Variants in PRKCG observed in about 807,000 individuals in gnomAD.
PRKCG encodes protein kinase C gamma, also known as protein kinase C gamma type.
A neutral mutation model predicts 82.0 loss-of-function variants in PRKCG; 28 were observed. The observed-to-expected ratio is 0.34, with a 90% confidence interval of 0.25 to 0.47. PRKCG has a LOEUF of 0.47. Ranked by LOEUF, PRKCG falls within the 20% of genes least tolerant of loss-of-function variation. The probability of loss-of-function intolerance (pLI) is 1.00; values close to 1 mark genes in which losing one functional copy is unlikely to be tolerated. For synonymous variants in PRKCG, 383 were observed against 376.6 expected, an observed-to-expected ratio of 1.02 and a Z score of -0.20; for missense variants, 640 against 952.7, an observed-to-expected ratio of 0.67 and a Z score of 4.32.
chr19:53,905,718 T>C (rs1396916580), intron 16 of PRKCG, among the ~76,000 whole-genome samples: 1 of 91,132 alleles, frequency 1.1e-5, no homozygotes, highest in African/African-American at 4.5e-5. Flanking sequence ...CCCTCTGTCC[T>C]TCACTCTCCC....
intron 3 of PRKCG, among the ~76,000 whole-genome samples, chr19:53,887,660 C>T (rs191602016): frequency 8.0e-5 from 12 of 149,834 alleles, no homozygotes; most frequent in Non-Finnish European, 1.5e-4. Flanking sequence ...GAAACCCCGT[C>T]TCTACTAAAA....
chr19:53,892,666 G>A lies in PRKCG; in HGVS notation c.821+23G>A. On this transcript the variant is annotated intron_variant, in intron 7 of 17. Transcript: ENST00000263431. The surrounding 1 kb of genome is among the most constrained non-coding windows in gnomAD (Gnocchi z 5.9). The stretch of plus-strand genomic sequence containing the variant: ...CTGGTGAGGAGCAGGGCTGGGGCCT[G>A]GGGATGGAGCGCAATATTACCATCT... The A allele has an allele frequency of 6.2e-7, 1 of 1,606,062 alleles. No homozygotes were observed. The highest frequency in any genetic ancestry group is 8.5e-7 in the Non-Finnish European group (1 of 1,178,518).
intron 3 of PRKCG, among the ~76,000 whole-genome samples, chr19:53,886,063 GAA>G (rs112819903): frequency 1.5e-4 from 20 of 135,612 alleles, no homozygotes; most frequent in Middle Eastern, 3.8e-3. Flanking sequence ...CTTTGTCTTG[GAA>G]AAAAAAAAAA....
In PRKCG at chr19:53,892,772, A is replaced by ACGCG; in HGVS notation, c.821+130_821+131insGCGC. 3 of 1,087,296 alleles carry ACGCG rather than the reference A, an allele frequency of 2.8e-6. No homozygotes were observed. The highest frequency in any genetic ancestry group is 5.8e-5 in the East Asian group (2 of 34,458). 67.4% of individuals were successfully genotyped at this position (1,087,296 alleles called of 1,614,324 possible). A position where few individuals can be genotyped will look rare whatever the true frequency, so the allele number is the denominator to read the frequency against. ...CATGCGCACACACACACACACACAC[A>ACGCG]CACACACACGCACACACACGCACAC... On this transcript the variant is annotated intron_variant, in intron 7 of 17. Transcript: ENST00000263431. This position sits in a 1 kb window ranked among gnomAD's most constrained non-coding sequence, Gnocchi z 5.9.
chr19:53,894,657 G>C (rs141491320), intron 9 of PRKCG, among the ~76,000 whole-genome samples: 166 of 151,070 alleles, frequency 1.1e-3, no homozygotes, highest in African/African-American at 3.9e-3. Context: ...ATGGGGTTTC[G>C]ACATGTTGGC....
At position 53,892,911 on chromosome 19, in the gene PRKCG, C is replaced by A; in HGVS notation, c.822-77C>A. On this transcript the variant is annotated intron_variant, in intron 7 of 17. Coordinates refer to ENST00000263431, the MANE Select transcript of PRKCG (RefSeq NM_002739.5). This position sits in a 1 kb window ranked among gnomAD's most constrained non-coding sequence, Gnocchi z 5.9. ...GTGTCCGTCTCTCTGTGTCTCTTTC[C>A]TCCCTTCCAATGTCTTTGCCTCTCC... 7.3e-7 allele frequency: 1 copy of A among 1,367,348 alleles called. No homozygotes were observed. The highest frequency in any genetic ancestry group is 1.0e-6 in the Non-Finnish European group (1 of 965,522). The allele number at this position is 1,367,348 out of a possible 1,614,324, so 84.7% of individuals were successfully genotyped here. A position where few individuals can be genotyped will look rare whatever the true frequency, so the allele number is the denominator to read the frequency against.
upstream of PRKCG, chr19:53,881,903 TGAAG>T (rs913259078): frequency 1.8e-5 from 3 of 166,120 alleles, no homozygotes; most frequent in African/African-American, 7.3e-5. Flanking sequence ...TAAAGTTTGT[TGAAG>T]GAAGGAGAGG....
intron 11 of PRKCG, among the ~76,000 whole-genome samples, chr19:53,899,810 C>T (rs2068749255): frequency 6.6e-6 from 1 of 152,310 alleles, no homozygotes; most frequent in East Asian, 1.9e-4. Context: ...TGGTCTGGAA[C>T]TCCTGACCTC....
At position 53,898,627 on chromosome 19, in the gene PRKCG, C is replaced by G. The variant is rs753992324; in HGVS notation, c.1280C>G (p.Pro427Arg). 4 of 1,574,362 alleles carry G rather than the reference C, an allele frequency of 2.5e-6. No homozygotes were observed. The highest frequency in any genetic ancestry group is 2.3e-5 in the South Asian group (2 of 87,288). ...LTQLHSTFQT[P>R]DRLYFVMEYV... ...CAGCTCCACTCCACCTTCCAGACCC[C>G]GGTAAGGATGGAGGGGGCGGAGGCT... The change falls in exon 11 of 18, where the codon CCG becomes CGG. Residue 427 changes from proline to arginine, a missense_variant and splice_region_variant. This residue lies in a region of PRKCG where 78 missense variants were observed against 105.6 expected (regional missense o/e 0.74). Transcript: ENST00000263431.
At chr19:53,890,757 T>C (rs1384196457) in intron 5 of PRKCG, among the ~76,000 whole-genome samples, 7 of 150,296 alleles carry the variant, frequency 4.7e-5, no homozygotes, top group Non-Finnish European at 7.4e-5. Context: ...AATTTTTTTT[T>C]TTTTTTTTTT....
chr19:53,897,772 A>G (rs774125803), intron 9 of PRKCG, among the ~76,000 whole-genome samples, 187 bp from the exon 10 acceptor site: 2 of 146,942 alleles, frequency 1.4e-5, no homozygotes, highest in Non-Finnish European at 2.9e-5. Context: ...GTTGAATAAT[A>G]AATAAACCCT....
chr19:53,894,136 G>A (rs1482717212), intron 9 of PRKCG, among the ~76,000 whole-genome samples: 2 of 151,702 alleles, frequency 1.3e-5, no homozygotes, highest in Non-Finnish European at 2.9e-5. Context: ...TGCGATCTCG[G>A]CTCACTGCAA....
At chr19:53,898,657 T>C (rs2068735685) in intron 11 of PRKCG, 29 bp downstream of exon 11, 1 of 1,550,390 alleles carries the variant, frequency 6.4e-7, no homozygotes, top group Non-Finnish European at 8.7e-7. Context: ...GAGGCTGTCC[T>C]CCGGGCCCTG....
intron 14 of PRKCG, 31 bp from the exon 15 acceptor site, chr19:53,903,042 A>T (rs771323651): frequency 1.3e-6 from 2 of 1,577,036 alleles, no homozygotes; most frequent in East Asian, 2.2e-5. Flanking sequence ...TAAAGAACGC[A>T]TCATGATTCC....
At chr19:53,890,107 C>T (rs922113788) in intron 5 of PRKCG, 90 bp downstream of exon 5, 76 of 1,375,738 alleles carry the variant, frequency 5.5e-5, no homozygotes, top group Non-Finnish European at 6.6e-5. Flanking sequence ...CAGCCCTACC[C>T]CAAAGATGGG....
Position 53,907,234 on chromosome 19 carries a change from TC to T in PRKCG, c.*345del. On this transcript the variant is annotated 3_prime_UTR_variant, in exon 18 of 18. Transcript: ENST00000263431. ...GACTCCATCTTGGTAGTTCTGTGCCTCCCCCCAGACCCCGCCCCTGGGGAAA... is the reference window on the plus strand; with the variant it reads ...GACTCCATCTTGGTAGTTCTGTGCCTCCCCCAGACCCCGCCCCTGGGGAAA... 7 of 394,632 alleles carry T rather than the reference TC, an allele frequency of 1.8e-5. No individual in the cohort carries two copies. Among genetic ancestry groups the T allele is most frequent in the Admixed American group, 4.0e-5 (1 of 25,078 alleles). The allele number at this position is 394,632 out of a possible 1,614,324, so 24.4% of individuals were successfully genotyped here.
At chr19:53,897,122 C>T (rs1284709893) in intron 9 of PRKCG, among the ~76,000 whole-genome samples, 1 of 152,162 alleles carries the variant, frequency 6.6e-6, no homozygotes, top group African/African-American at 2.4e-5. Context: ...GAAGAACAAC[C>T]TGCAGTGTCA....
At chr19:53,885,260 G>C (rs1266509943) in intron 3 of PRKCG, among the ~76,000 whole-genome samples, 2 of 151,884 alleles carry the variant, frequency 1.3e-5, no homozygotes, top group Non-Finnish European at 2.9e-5. Context: ...ACGGAGTCGC[G>C]CTCTGTTGCC....
chr19:53,900,830 G>A lies in PRKCG; in HGVS notation c.1575+81G>A. ...TGATGGTCCAGTATTCACCACGGGTGAGGCCTGACCCTCAGACCTTGTCAT... is the reference window on the plus strand; with the variant it reads ...TGATGGTCCAGTATTCACCACGGGTAAGGCCTGACCCTCAGACCTTGTCAT... On this transcript the variant is annotated intron_variant, in intron 14 of 17. Coordinates refer to ENST00000263431, the MANE Select transcript of PRKCG (RefSeq NM_002739.5). The surrounding 1 kb of genome is among the most constrained non-coding windows in gnomAD (Gnocchi z 4.2). The A allele has an allele frequency of 6.2e-7, 1 of 1,602,414 alleles. No homozygotes were observed. Among genetic ancestry groups the A allele is most frequent in the Admixed American group, 1.7e-5 (1 of 60,004 alleles).
Sources: gnomAD v4.1 joint callset for allele counts (sites outside exome capture counted in the v4.1 genomes callset) on GRCh38, gnomAD v4.1.1 for gene constraint, gnomAD v4.1.1 regional missense constraint, Gnocchi (gnomAD v3.1) non-coding constraint, MANE v1.5 for transcripts, NCBI Gene and HGNC (gene_info 2026-07-23, HGNC 2026-07-21) for gene names.